Variants in VWC2 observed in about 807,000 individuals in gnomAD.
VWC2 encodes the protein von Willebrand factor C domain containing 2.
In VWC2, 14 loss-of-function variants were observed where a neutral mutation model predicts 29.8. The ratio of observed to expected loss-of-function variants is 0.47; its 90% confidence interval spans 0.31 to 0.74. VWC2 has a LOEUF of 0.74. Among genes scored for constraint, VWC2 ranks in the 30% least tolerant of loss-of-function variants. The probability of loss-of-function intolerance (pLI) is 0.05; values close to 1 mark genes in which losing one functional copy is unlikely to be tolerated. For synonymous variants in VWC2, 213 were observed against 199.0 expected, an observed-to-expected ratio of 1.07 and a Z score of -0.59; for missense variants, 457 against 459.8, an observed-to-expected ratio of 0.99 and a Z score of 0.05.
chr7:49,884,148 A>T (rs556492911), intron 3 of VWC2, among the ~76,000 whole-genome samples: 2 of 152,356 alleles, frequency 1.3e-5, no homozygotes, highest in African/African-American at 4.8e-5. Flanking sequence ...CTGAAGCCAC[A>T]GTACTGGGGC....
At chr7:49,800,503 C>T (rs1039558576) in intron 2 of VWC2, among the ~76,000 whole-genome samples, 3 of 152,104 alleles carry the variant, frequency 2.0e-5, no homozygotes, top group East Asian at 3.9e-4. Flanking sequence ...CTATCTGACC[C>T]GCTTGCTCCT....
chr7:49,875,719 A>C (rs865834496), intron 3 of VWC2, among the ~76,000 whole-genome samples: 30 of 152,136 alleles, frequency 2.0e-4, no homozygotes, highest in African/African-American at 7.2e-4. Context: ...ATGGAGTGGC[A>C]TGAGAATTAC....
intron 3 of VWC2, among the ~76,000 whole-genome samples, chr7:49,838,743 G>C (rs1789724953): frequency 6.6e-6 from 1 of 152,050 alleles, no homozygotes; most frequent in African/African-American, 2.4e-5. Context: ...AAGTTTCCAG[G>C]ATTTTCCAGG....
chr7:49,830,449 A>G (rs1789499304), intron 3 of VWC2, among the ~76,000 whole-genome samples: 1 of 152,048 alleles, frequency 6.6e-6, no homozygotes, highest in African/African-American at 2.4e-5. Flanking sequence ...TATTATTGTT[A>G]TTCCTGTCCA....
At chr7:49,903,093 A>G (rs1370617861) in intron 3 of VWC2, among the ~76,000 whole-genome samples, 3 of 152,232 alleles carry the variant, frequency 2.0e-5, no homozygotes, top group East Asian at 3.8e-4. Flanking sequence ...TGGCTAAAAC[A>G]AAAACTTGTG....
At chr7:49,872,915 C>CA (rs61473396) in intron 3 of VWC2, among the ~76,000 whole-genome samples, 1,258 of 33,924 alleles carry the variant, frequency 0.037, 164 homozygotes, top group Admixed American at 0.19. Flanking sequence ...GACTTTGTCT[C>CA]AAAAAAAAAA....
chr7:49,862,870 C>T (rs1790713920), intron 3 of VWC2, among the ~76,000 whole-genome samples: 1 of 152,068 alleles, frequency 6.6e-6, no homozygotes, highest in Non-Finnish European at 1.5e-5. Flanking sequence ...ATTCACTTTG[C>T]TACTGTTTCA....
At position 49,912,200 on chromosome 7, in the gene VWC2, A is replaced by C; in HGVS notation, c.*15A>C. ...GGCAAATGTAGACGCTTCCCAGAAC[A>C]CAAACTCTGACTTTTTCTAGAACAT... On this transcript the variant is annotated 3_prime_UTR_variant, in exon 4 of 4. Coordinates refer to ENST00000340652, the MANE Select transcript of VWC2 (RefSeq NM_198570.5). 1 of 1,613,078 alleles carries C rather than the reference A, an allele frequency of 6.2e-7. No individual in the cohort carries two copies. The highest frequency in any genetic ancestry group is 8.5e-7 in the Non-Finnish European group (1 of 1,179,426).
At chr7:49,775,281 C>T in intron 1 of VWC2, 52 bp from the exon 2 acceptor site, 1 of 340,358 alleles carries the variant, frequency 2.9e-6, no homozygotes, top group Non-Finnish European at 4.8e-6. Flanking sequence ...CCGCGGCGGG[C>T]CGGGGCGCGC....
chr7:49,790,281 C>T (rs1308839254), intron 2 of VWC2, among the ~76,000 whole-genome samples: 1 of 152,128 alleles, frequency 6.6e-6, no homozygotes, highest in Non-Finnish European at 1.5e-5. Context: ...TCTGTGGTGC[C>T]CGAGAAGAAA....
At chr7:49,831,390 T>G (rs1789520961) in intron 3 of VWC2, among the ~76,000 whole-genome samples, 1 of 152,200 alleles carries the variant, frequency 6.6e-6, no homozygotes, top group South Asian at 2.1e-4. Context: ...ACACTAGAAT[T>G]CAGGAATGCT....
At chr7:49,871,965 A>G (rs1791177516) in intron 3 of VWC2, among the ~76,000 whole-genome samples, 1 of 137,584 alleles carries the variant, frequency 7.3e-6, no homozygotes, top group African/African-American at 2.6e-5. Flanking sequence ...ACACCGAGAA[A>G]GAGAGGGAGG....
chr7:49,888,397 GTATAGAGC>G (rs1214476030), intron 3 of VWC2, among the ~76,000 whole-genome samples: 1 of 152,106 alleles, frequency 6.6e-6, no homozygotes, highest in Admixed American at 6.5e-5. Context: ...TTTAGGTATG[GTATAGAGC>G]TACAAAACTG....
At chr7:49,786,346 G>C (rs560047315) in intron 2 of VWC2, among the ~76,000 whole-genome samples, 1 of 152,106 alleles carries the variant, frequency 6.6e-6, no homozygotes, top group South Asian at 2.1e-4. Flanking sequence ...AGTATTCCAT[G>C]GTGTATATGT....
chr7:49,830,239 A>ATTAATCT (rs1789494050), intron 3 of VWC2, among the ~76,000 whole-genome samples: 1 of 151,874 alleles, frequency 6.6e-6, no homozygotes, highest in South Asian at 2.1e-4. Flanking sequence ...AGAATCTTTT[A>ATTAATCT]TTAATCTTTA....
chr7:49,902,306 T>C (rs1216724882), intron 3 of VWC2, among the ~76,000 whole-genome samples: 1 of 151,956 alleles, frequency 6.6e-6, no homozygotes, highest in Non-Finnish European at 1.5e-5. Flanking sequence ...TTGTCCTAAA[T>C]ATACAAACAA....
chr7:49,922,007 T>G (rs1358691263), downstream of VWC2: 2 of 152,124 alleles, frequency 1.3e-5, no homozygotes, highest in Non-Finnish European at 2.9e-5. Flanking sequence ...TATTTTAGCT[T>G]TTGAAAGTAG....
chr7:49,802,598 A>G (rs1181765733), intron 2 of VWC2, 113 bp from the exon 3 acceptor site: 1 of 1,404,200 alleles, frequency 7.1e-7, no homozygotes, highest in East Asian at 2.3e-5. Flanking sequence ...AGATCGCACC[A>G]CTGCACTCCA....
At chr7:49,896,487 A>C (rs1792389382) in intron 3 of VWC2, among the ~76,000 whole-genome samples, 1 of 152,228 alleles carries the variant, frequency 6.6e-6, no homozygotes, top group Non-Finnish European at 1.5e-5. Flanking sequence ...AGAAACTTGA[A>C]AAAGCAAAGC....
Sources: allele counts gnomAD v4.1 joint callset (sites outside exome capture counted in the v4.1 genomes callset), GRCh38; gene constraint gnomAD v4.1.1; transcripts MANE v1.5; gene names NCBI Gene and HGNC (gene_info 2026-07-23, HGNC 2026-07-21).